The following GFRA1 variants were observed in gnomAD, a reference collection of about 807,000 sequenced individuals.
The protein encoded by GFRA1 is GDNF family receptor alpha 1.
In GFRA1, 16 loss-of-function variants were observed where a neutral mutation model predicts 51.6. That is an observed-to-expected ratio of 0.31 (90% CI 0.21 to 0.47). The LOEUF is 0.47. Ranked by LOEUF, GFRA1 falls within the 20% of genes least tolerant of loss-of-function variation. The pLI, the probability that GFRA1 is intolerant of heterozygous loss-of-function variation, is 1.00. For synonymous variants in GFRA1, 270 were observed against 241.3 expected (o/e 1.12, Z -1.10); for missense variants, 530 against 594.3 (o/e 0.89, Z 1.13).
At chr10:116,242,133 C>T (rs1967434686) in intron 4 of GFRA1, among the ~76,000 whole-genome samples, 1 of 80,366 alleles carries the variant, frequency 1.2e-5, no homozygotes, top group Non-Finnish European at 2.8e-5. Context: ...TGGAATTACT[C>T]AGATAACTGC....
chr10:116,108,773 G>A (rs926441144), intron 6 of GFRA1, among the ~76,000 whole-genome samples: 4 of 152,136 alleles, frequency 2.6e-5, no homozygotes, highest in Non-Finnish European at 5.9e-5. Context: ...CCTCATCTCC[G>A]TCACTTTCTA....
chr10:116,178,304 G>T (rs1555163917), intron 5 of GFRA1, among the ~76,000 whole-genome samples: 16 of 150,874 alleles, frequency 1.1e-4, no homozygotes, highest in Non-Finnish European at 3.0e-5. Context: ...GGGGCCGGGG[G>T]GGCGTTTTAC....
intron 7 of GFRA1, among the ~76,000 whole-genome samples, chr10:116,095,197 A>T (rs916049653): frequency 6.6e-6 from 1 of 152,206 alleles, no homozygotes; most frequent in Non-Finnish European, 1.5e-5. Context: ...GTTAACAGGG[A>T]CTACATCCAT....
chr10:116,271,972 C>G lies in GFRA1; in HGVS notation c.40+18G>C. 6.5e-7 allele frequency: 1 copy of G among 1,549,808 alleles called. No individual in the cohort carries two copies. The highest frequency in any genetic ancestry group is 1.9e-5 in the Admixed American group (1 of 51,570). On this transcript the variant is annotated intron_variant, in intron 2 of 10. Transcript: ENST00000355422. ...AAGACTCAGAGGGTAAGAAAGCCCGCGGCGGGCCTCGACTTACCCAAGAGC... is the reference window on the plus strand; with the variant it reads ...AAGACTCAGAGGGTAAGAAAGCCCGGGGCGGGCCTCGACTTACCCAAGAGC...
intron 5 of GFRA1, among the ~76,000 whole-genome samples, chr10:116,132,421 T>C (rs749187731): frequency 6.6e-6 from 1 of 152,138 alleles, no homozygotes; most frequent in Non-Finnish European, 1.5e-5. Flanking sequence ...GCATTAACCA[T>C]ATTTTTTTTC....
chr10:116,217,222 T>G (rs1210998409), intron 4 of GFRA1, among the ~76,000 whole-genome samples: 6 of 152,144 alleles, frequency 3.9e-5, no homozygotes, highest in Non-Finnish European at 8.8e-5. Flanking sequence ...GGCCACCGGA[T>G]CTCAATGACC....
chr10:116,269,943 C>T (rs1253111938), intron 3 of GFRA1, among the ~76,000 whole-genome samples: 2 of 152,088 alleles, frequency 1.3e-5, no homozygotes, highest in Admixed American at 6.5e-5. Context: ...CCAGGAAAGA[C>T]CCTTATTTCT....
chr10:116,255,543 T>A, intron 4 of GFRA1: 1 of 1,150,846 alleles, frequency 8.7e-7, no homozygotes, highest in South Asian at 1.5e-5. Flanking sequence ...CATGTTCACA[T>A]CCACTCAACA....
Position 116,065,623 on chromosome 10 carries a change from G to C in GFRA1, c.1201C>G (p.Gln401Glu). ...VLPPCANLQA[Q>E]KLKSNVSGNT... ...CCCGACACATTGGATTTCAGCTTCTGTGCCTGGAGAGGGACAAGAAAAAAA... is the reference window on the plus strand; with the variant it reads ...CCCGACACATTGGATTTCAGCTTCTCTGCCTGGAGAGGGACAAGAAAAAAA... The change falls in exon 10 of 11, where the codon CAG (glutamine) becomes GAG (glutamate). Residue 401 changes from glutamine to glutamate, a missense_variant. By Grantham distance (29) the Gln-to-Glu change is conservative. Transcript: ENST00000355422. The C allele has an allele frequency of 6.2e-7, 1 of 1,612,844 alleles. No individual in the cohort carries two copies. Among genetic ancestry groups the C allele is most frequent in the South Asian group, 1.1e-5 (1 of 91,054 alleles).
At chr10:116,179,000 G>A (rs954326733) in intron 5 of GFRA1, among the ~76,000 whole-genome samples, 2 of 152,134 alleles carry the variant, frequency 1.3e-5, no homozygotes, top group East Asian at 1.9e-4. Context: ...GATCCCATCT[G>A]CTCCCCCGGT....
At chr10:116,235,975 G>C (rs1246820598) in intron 4 of GFRA1, among the ~76,000 whole-genome samples, 1 of 152,052 alleles carries the variant, frequency 6.6e-6, no homozygotes, top group Non-Finnish European at 1.5e-5. Flanking sequence ...CCCAGTTTAT[G>C]GTACTTTGTT....
At chr10:116,274,640 C>T (rs1334157938), upstream of GFRA1, among the ~76,000 whole-genome samples, 2 of 152,176 alleles carry the variant, frequency 1.3e-5, no homozygotes, top group Non-Finnish European at 2.9e-5. Context: ...GCGCCCCAAA[C>T]CCGGGGGACA....
rs191791761 is a variant in GFRA1, at chr10:116,090,203, A to C, written c.1016-281T>G. ...CCTGTTTACGTGCCAGGTGCTGAGC[A>C]AGATCCTTGCCCTAAAATATCCATC... On this transcript the variant is annotated intron_variant, in intron 8 of 10. Coordinates refer to ENST00000355422, the MANE Select transcript of GFRA1 (RefSeq NM_005264.8). Among the ~76,000 whole-genome samples, 37 of 152,282 alleles carry C rather than the reference A, an allele frequency of 2.4e-4. 1 individual carries two copies. Among genetic ancestry groups the C allele is most frequent in the African/African-American group, 8.7e-4 (36 of 41,562 alleles).
intron 4 of GFRA1, among the ~76,000 whole-genome samples, chr10:116,233,715 A>C (rs1191967303): frequency 6.6e-6 from 1 of 152,138 alleles, no homozygotes; most frequent in African/African-American, 2.4e-5. Context: ...TCCTCTTTCA[A>C]GGTCATCTGT....
At chr10:116,191,505 C>A (rs955767883) in intron 5 of GFRA1, among the ~76,000 whole-genome samples, 1 of 152,198 alleles carries the variant, frequency 6.6e-6, no homozygotes, top group African/African-American at 2.4e-5. Context: ...CACAGCATCA[C>A]ACAGACTGAC....
intron 4 of GFRA1, among the ~76,000 whole-genome samples, chr10:116,242,424 A>G (rs1465908835): frequency 1.3e-5 from 2 of 152,162 alleles, no homozygotes; most frequent in African/African-American, 4.8e-5. Context: ...AACAATATAC[A>G]CTAAATCATT....
intron 5 of GFRA1, among the ~76,000 whole-genome samples, chr10:116,136,268 T>G (rs1383724533): frequency 6.6e-6 from 1 of 152,230 alleles, no homozygotes; most frequent in Non-Finnish European, 1.5e-5. Context: ...TAATGAGCAC[T>G]TCAACTACAG....
chr10:116,169,164 G>A (rs1407076624), intron 5 of GFRA1, among the ~76,000 whole-genome samples: 1 of 152,124 alleles, frequency 6.6e-6, no homozygotes, highest in Non-Finnish European at 1.5e-5. Context: ...TGTCTTTATG[G>A]GACAAGAATC....
intron 6 of GFRA1, among the ~76,000 whole-genome samples, chr10:116,109,919 T>C (rs1299776645): frequency 6.6e-6 from 1 of 152,082 alleles, no homozygotes; most frequent in African/African-American, 2.4e-5. Flanking sequence ...ACACAGACAC[T>C]TCCAGTATCT....
Sources: allele counts gnomAD v4.1 joint callset (sites outside exome capture counted in the v4.1 genomes callset), GRCh38; gene constraint gnomAD v4.1.1; transcripts MANE v1.5; gene names NCBI Gene and HGNC (gene_info 2026-07-23, HGNC 2026-07-21).